The following KCNQ5 variants were observed in gnomAD, a reference collection of about 807,000 sequenced individuals.
KCNQ5 encodes the protein potassium voltage-gated channel subfamily KQT member 5.
In KCNQ5, 30 loss-of-function variants were observed where a neutral mutation model predicts 98.2. That is an observed-to-expected ratio of 0.31 (90% confidence interval 0.23 to 0.41). KCNQ5 has a LOEUF of 0.41. KCNQ5 is among the 10% of genes least tolerant of loss of function. The probability of loss-of-function intolerance (pLI) is 1.00; values close to 1 mark genes in which losing one functional copy is unlikely to be tolerated. For synonymous variants in KCNQ5, 458 were observed against 449.4 expected (o/e 1.02, Z -0.24); for missense variants, 835 against 1,182.5 (o/e 0.71, Z 4.31).
At chr6:72,719,771 A>G (rs1582166352) in intron 1 of KCNQ5, among the ~76,000 whole-genome samples, 1 of 151,958 alleles carries the variant, frequency 6.6e-6, no homozygotes, top group Non-Finnish European at 1.5e-5. Flanking sequence ...GTGCAGTGTC[A>G]CTCTCTCAGC....
chr6:73,182,351 G>A (rs1250371116), intron 11 of KCNQ5, among the ~76,000 whole-genome samples: 2 of 152,172 alleles, frequency 1.3e-5, no homozygotes, highest in African/African-American at 4.8e-5. Context: ...GCCCTTTATA[G>A]AAGAAGCTTT....
intron 3 of KCNQ5, among the ~76,000 whole-genome samples, chr6:73,059,953 G>A (rs1463431975): frequency 6.6e-6 from 1 of 151,900 alleles, no homozygotes; most frequent in African/African-American, 2.4e-5. Flanking sequence ...ACTTTACTGA[G>A]ACCAATACTA....
chr6:72,852,466 G>A (rs1333070686), intron 1 of KCNQ5, among the ~76,000 whole-genome samples: 1 of 150,366 alleles, frequency 6.7e-6, no homozygotes, highest in African/African-American at 2.5e-5. Flanking sequence ...GCAACAACAT[G>A]GATGGAACTG....
intron 2 of KCNQ5, among the ~76,000 whole-genome samples, chr6:73,038,685 C>G (rs1311416342): frequency 6.6e-6 from 1 of 151,778 alleles, no homozygotes; most frequent in Non-Finnish European, 1.5e-5. Context: ...ATTGAGCTAG[C>G]CTTGCATACC....
chr6:73,092,424 G>A (rs1774292668), intron 5 of KCNQ5, among the ~76,000 whole-genome samples: 1 of 152,076 alleles, frequency 6.6e-6, no homozygotes, highest in Non-Finnish European at 1.5e-5. Context: ...TGATGAAGAG[G>A]AGTGATAAGA....
At chr6:72,695,323 A>T (rs935099662) in intron 1 of KCNQ5, among the ~76,000 whole-genome samples, 9 of 152,192 alleles carry the variant, frequency 5.9e-5, no homozygotes, top group African/African-American at 2.2e-4. Flanking sequence ...AAACTCAATA[A>T]CATTTTTATT....
At chr6:73,033,661 C>A (rs954985475) in intron 2 of KCNQ5, among the ~76,000 whole-genome samples, 2 of 152,096 alleles carry the variant, frequency 1.3e-5, no homozygotes, top group African/African-American at 2.4e-5. Flanking sequence ...AGCATCCATA[C>A]CCCTTCACAC....
chr6:72,802,533 A>T (rs539280218), intron 1 of KCNQ5, among the ~76,000 whole-genome samples: 4 of 152,198 alleles, frequency 2.6e-5, no homozygotes, highest in Admixed American at 6.6e-5. Flanking sequence ...TCATGTGGGC[A>T]AAGCAAAACC....
At chr6:72,752,438 G>GTACAGAT (rs1355279887) in intron 1 of KCNQ5, among the ~76,000 whole-genome samples, 4 of 152,082 alleles carry the variant, frequency 2.6e-5, no homozygotes, top group Non-Finnish European at 4.4e-5. Context: ...AACAGCCTAG[G>GTACAGAT]TACAGATTTC....
chr6:72,656,405 G>A (rs1298472111), intron 1 of KCNQ5, among the ~76,000 whole-genome samples: 1 of 152,036 alleles, frequency 6.6e-6, no homozygotes, highest in Non-Finnish European at 1.5e-5. Flanking sequence ...AGGAGCAATT[G>A]GTATATTTGA....
At chr6:73,012,598 A>C (rs1179292591) in intron 2 of KCNQ5, among the ~76,000 whole-genome samples, 1 of 152,116 alleles carries the variant, frequency 6.6e-6, no homozygotes, top group Non-Finnish European at 1.5e-5. Flanking sequence ...ACTGAACCAT[A>C]CTTTAAAATG....
intron 11 of KCNQ5, among the ~76,000 whole-genome samples, chr6:73,187,383 G>A (rs1324614183): frequency 6.6e-6 from 1 of 152,186 alleles, no homozygotes; most frequent in Non-Finnish European, 1.5e-5. Context: ...ATTCTTAAAA[G>A]TAGTCAGTGC....
intron 1 of KCNQ5, among the ~76,000 whole-genome samples, chr6:72,857,436 A>T (rs1265939658): frequency 6.6e-6 from 1 of 152,172 alleles, no homozygotes; most frequent in Non-Finnish European, 1.5e-5. Context: ...GTCCCATTTT[A>T]CTGTGCAAAG....
intron 1 of KCNQ5, among the ~76,000 whole-genome samples, chr6:72,758,402 T>G (rs1304034981): frequency 6.6e-6 from 1 of 152,160 alleles, no homozygotes; most frequent in East Asian, 1.9e-4. Context: ...TTTTAAGAAA[T>G]TTTTATTAGA....
intron 1 of KCNQ5, among the ~76,000 whole-genome samples, chr6:72,768,512 A>G (rs1772690091): frequency 6.6e-6 from 1 of 152,028 alleles, no homozygotes; most frequent in Non-Finnish European, 1.5e-5. Flanking sequence ...TGACTGTTTT[A>G]GTATAGAAAG....
At chr6:72,647,352 A>T (rs1337050647) in intron 1 of KCNQ5, among the ~76,000 whole-genome samples, 1 of 152,068 alleles carries the variant, frequency 6.6e-6, no homozygotes, top group Non-Finnish European at 1.5e-5. Flanking sequence ...AGAGAGAGAG[A>T]GTGTAAGGTA....
chr6:73,036,278 C>T (rs1445186431), intron 2 of KCNQ5, among the ~76,000 whole-genome samples: 1 of 148,604 alleles, frequency 6.7e-6, no homozygotes, highest in Non-Finnish European at 1.5e-5. Flanking sequence ...CCCAGCTACT[C>T]GGGAGGCTGA....
intron 1 of KCNQ5, among the ~76,000 whole-genome samples, chr6:72,933,446 A>G (rs918770198): frequency 2.6e-5 from 4 of 152,104 alleles, no homozygotes; most frequent in Non-Finnish European, 4.4e-5. Context: ...GGGATGAGGG[A>G]GGTTAGGAGG....
intron 1 of KCNQ5, among the ~76,000 whole-genome samples, chr6:72,831,648 C>G (rs1397515004): frequency 6.6e-6 from 1 of 151,130 alleles, no homozygotes; most frequent in Non-Finnish European, 1.5e-5. Flanking sequence ...TTAGTGGGTG[C>G]AGCACACCAA....
Sources: gnomAD v4.1 joint callset for allele counts (sites outside exome capture counted in the v4.1 genomes callset) on GRCh38, gnomAD v4.1.1 for gene constraint, MANE v1.5 for transcripts, NCBI Gene and HGNC (gene_info 2026-07-23, HGNC 2026-07-21) for gene names.